The following SLAIN2 variants were observed in gnomAD, a reference collection of about 807,000 sequenced individuals.
The protein encoded by SLAIN2 is SLAIN motif-containing protein 2.
A neutral mutation model predicts 56.6 loss-of-function variants in SLAIN2; 31 were observed. The observed-to-expected ratio is 0.55, with a 90% CI of 0.41 to 0.74. SLAIN2 has a LOEUF of 0.74. SLAIN2 is among the 30% of genes least tolerant of loss of function. SLAIN2 has a pLI of 0.00. For missense variants in SLAIN2, 777 were observed against 754.2 expected (o/e 1.03, Z -0.35); for synonymous variants, 317 against 284.9 (o/e 1.11, Z -1.13).
intron 2 of SLAIN2, among the ~76,000 whole-genome samples, chr4:48,371,517 A>G (rs951490343): frequency 6.6e-6 from 1 of 152,258 alleles, no homozygotes; most frequent in Admixed American, 6.5e-5. Context: ...TAGACAAGCT[A>G]GTAGACCATT....
At chr4:48,386,103 A>C (rs1405702091) in intron 6 of SLAIN2, among the ~76,000 whole-genome samples, 2 of 151,628 alleles carry the variant, frequency 1.3e-5, no homozygotes. Context: ...AAAAAAAAAA[A>C]AAAAAAGCTA....
chr4:48,383,501 T>C (rs1716023941), intron 5 of SLAIN2, 146 bp from the exon 6 acceptor site: 1 of 772,836 alleles, frequency 1.3e-6, no homozygotes, highest in African/African-American at 1.8e-5. Flanking sequence ...TTGTTTGTTT[T>C]TTTTAATAAG....
At chr4:48,360,117 G>A in intron 1 of SLAIN2, among the ~76,000 whole-genome samples, 1 of 148,442 alleles carries the variant, frequency 6.7e-6, no homozygotes, top group East Asian at 2.0e-4. Flanking sequence ...TCGCGCCATT[G>A]CATTCCAGCC....
At chr4:48,402,388 G>T (rs572100798) in intron 6 of SLAIN2, among the ~76,000 whole-genome samples, 1 of 152,048 alleles carries the variant, frequency 6.6e-6, no homozygotes, top group African/African-American at 2.4e-5. Flanking sequence ...ACTTGATTCT[G>T]TTCTCCCCAT....
intron 4 of SLAIN2, among the ~76,000 whole-genome samples, chr4:48,381,808 A>G (rs1715979560): frequency 6.6e-6 from 1 of 152,128 alleles, no homozygotes; most frequent in South Asian, 2.1e-4. Flanking sequence ...ATATTACCTA[A>G]ATTCTATACG....
intron 6 of SLAIN2, among the ~76,000 whole-genome samples, chr4:48,403,209 C>G (rs1364302981): frequency 6.6e-6 from 1 of 152,212 alleles, no homozygotes; most frequent in African/African-American, 2.4e-5. Context: ...CAGGGTCCCA[C>G]TTACAGAAGA....
chr4:48,375,432 T>A (rs1278051781), intron 2 of SLAIN2, among the ~76,000 whole-genome samples: 1 of 152,176 alleles, frequency 6.6e-6, no homozygotes, highest in Admixed American at 6.5e-5. Context: ...AACCAGACAT[T>A]TCATTCAGCT....
intron 1 of SLAIN2, among the ~76,000 whole-genome samples, 170 bp from the exon 2 acceptor site, chr4:48,369,678 AT>A (rs1346821543): frequency 1.3e-5 from 2 of 152,070 alleles, no homozygotes; most frequent in African/African-American, 4.8e-5. Flanking sequence ...ATTTATATTG[AT>A]TGTTTTACTA....
rs548611393 is a variant in SLAIN2 at position 48,387,201 on chromosome 4, CAG to C, written c.1360+3419_1360+3420del. On this transcript the variant is annotated intron_variant, in intron 6 of 7. Coordinates refer to ENST00000264313, the MANE Select transcript of SLAIN2 (RefSeq NM_020846.2). ...AATGAAAAATAATTCTTCACAAAAA[CAG>C]AAGAAAAAACAAAAGGTTGGGAACC... Among the ~76,000 whole-genome samples, 12 of 152,150 alleles carry C rather than the reference CAG, an allele frequency of 7.9e-5. No homozygotes were observed. In the South Asian group the frequency reaches 2.5e-3, roughly 32 times the overall value.
At position 48,382,671 on chromosome 4, in the gene SLAIN2, A is replaced by G; in HGVS notation, c.966A>G (p.Gln322=). Residue 322 remains glutamine, a synonymous_variant, in exon 5 of 8, where the codon CAA becomes CAG. Coordinates refer to ENST00000264313, the MANE Select transcript of SLAIN2 (RefSeq NM_020846.2). ...TTAGTGATCAGGAACTTGATGCACA[A>G]AGTTTAGATGATGAAGATGACAATA... ...GTFSDQELDA[Q]SLDDEDDNMH... 6.2e-7 allele frequency: 1 copy of G among 1,613,924 alleles called. No homozygotes were observed.
At chr4:48,395,049 A>G (rs1716342710) in intron 6 of SLAIN2, among the ~76,000 whole-genome samples, 1 of 152,218 alleles carries the variant, frequency 6.6e-6, no homozygotes, top group African/African-American at 2.4e-5. Flanking sequence ...AAATGGGAAC[A>G]CTTCCACATT....
At chr4:48,394,663 G>A (rs1716332118) in intron 6 of SLAIN2, 1 of 1,534,304 alleles carries the variant, frequency 6.5e-7, no homozygotes, top group Non-Finnish European at 8.7e-7. Flanking sequence ...GGTAACTACA[G>A]CCTCTTACTC....
intron 7 of SLAIN2, among the ~76,000 whole-genome samples, chr4:48,420,994 G>T (rs1717131401): frequency 6.6e-6 from 1 of 151,804 alleles, no homozygotes; most frequent in Non-Finnish European, 1.5e-5. Flanking sequence ...TTTTGTTGTT[G>T]TTTTTTGTTT....
intron 6 of SLAIN2, chr4:48,394,552 T>C: frequency 6.5e-7 from 1 of 1,530,656 alleles, no homozygotes; most frequent in Non-Finnish European, 8.8e-7. Context: ...CAGGCAAATA[T>C]TACAGTTCCT....
chr4:48,388,826 T>C (rs976098620), intron 6 of SLAIN2, among the ~76,000 whole-genome samples: 2 of 152,220 alleles, frequency 1.3e-5, no homozygotes, highest in Non-Finnish European at 2.9e-5. Context: ...TAAAATAATT[T>C]AGTGAGATAT....
At chr4:48,349,564 A>G (rs1714958268) in intron 1 of SLAIN2, among the ~76,000 whole-genome samples, 2 of 152,234 alleles carry the variant, frequency 1.3e-5, no homozygotes, top group Middle Eastern at 3.2e-3. Context: ...TCTGTTTAGT[A>G]GGATTACAGA....
At chr4:48,378,739 C>G (rs1396554324) in intron 3 of SLAIN2, among the ~76,000 whole-genome samples, 1 of 152,122 alleles carries the variant, frequency 6.6e-6, no homozygotes, top group Non-Finnish European at 1.5e-5. Flanking sequence ...TTGTTACTTG[C>G]TACTTACTTC....
intron 6 of SLAIN2, among the ~76,000 whole-genome samples, chr4:48,389,513 C>T (rs904122690): frequency 1.3e-5 from 2 of 152,166 alleles, no homozygotes; most frequent in African/African-American, 4.8e-5. Flanking sequence ...ACAGCCCACG[C>T]CTTCCAGTAG....
intron 1 of SLAIN2, among the ~76,000 whole-genome samples, chr4:48,350,296 G>C (rs1462104444): frequency 6.6e-6 from 1 of 152,208 alleles, no homozygotes; most frequent in Non-Finnish European, 1.5e-5. Context: ...GGAACCTGGT[G>C]CTGATACCCT....
Sources: allele counts gnomAD v4.1 joint callset (sites outside exome capture counted in the v4.1 genomes callset), GRCh38; gene constraint gnomAD v4.1.1; transcripts MANE v1.5; gene names NCBI Gene and HGNC (gene_info 2026-07-23, HGNC 2026-07-21).